The following FGF14 variants were observed in gnomAD, a reference collection of about 807,000 sequenced individuals.
FGF14 encodes fibroblast growth factor 14, also known as fibroblast growth factor homologous factor 4.
A neutral mutation model predicts 25.5 loss-of-function variants in FGF14; 5 were observed. That is an observed-to-expected ratio of 0.20 (90% CI 0.10 to 0.41). The LOEUF is 0.41. Among genes scored for constraint, FGF14 ranks in the 10% least tolerant of loss-of-function variants. The pLI is 1.00. For synonymous variants in FGF14, 138 were observed against 118.3 expected (o/e 1.17, Z -1.08); for missense variants, 222 against 320.1 (o/e 0.69, Z 2.34).
At chr13:102,272,097 C>A (rs1202887423) in intron 1 of FGF14, among the ~76,000 whole-genome samples, 3 of 152,142 alleles carry the variant, frequency 2.0e-5, no homozygotes, top group African/African-American at 4.8e-5. Context: ...TTGATTCCCT[C>A]CACTTTGCCA....
chr13:102,041,559 C>A (rs2041739770), intron 1 of FGF14, among the ~76,000 whole-genome samples: 1 of 138,986 alleles, frequency 7.2e-6, no homozygotes, highest in African/African-American at 2.8e-5. Context: ...TTAAGCCATG[C>A]AAAAATTACT....
intron 1 of FGF14, among the ~76,000 whole-genome samples, chr13:102,224,115 GATT>G (rs1396984793): frequency 1.3e-5 from 2 of 151,964 alleles, no homozygotes; most frequent in Non-Finnish European, 2.9e-5. Flanking sequence ...AAAGTAGAAA[GATT>G]ATTTTCATCA....
intron 4 of FGF14, 59 bp from the exon 5 acceptor site, chr13:101,723,026 G>C (rs2035100229): frequency 1.1e-5 from 18 of 1,603,872 alleles, no homozygotes; most frequent in Non-Finnish European, 1.4e-5. Flanking sequence ...GTGTGAGAAT[G>C]GTCCATCCAT....
At chr13:101,763,173 C>T (rs2038143801) in intron 3 of FGF14, among the ~76,000 whole-genome samples, 1 of 142,718 alleles carries the variant, frequency 7.0e-6, no homozygotes, top group African/African-American at 2.5e-5. Flanking sequence ...AAGTGAAAGG[C>T]ACAGCACAGA....
rs964999742 is a variant in FGF14, at chr13:101,866,080, TA to T, written c.408+2644del. On this transcript the variant is annotated intron_variant, in intron 3 of 4. Transcript: ENST00000376143. ...GCTTAAATGTTAAATGTAATAAATATAAAAAAAATTAATACCCATAATATAA... is the reference window on the plus strand; with the variant it reads ...GCTTAAATGTTAAATGTAATAAATATAAAAAAATTAATACCCATAATATAA... Among the ~76,000 whole-genome samples the T allele has an allele frequency of 1.4e-4, 21 of 151,896 alleles. No individual in the cohort carries two copies. In the Middle Eastern group the frequency reaches 0.02, roughly 148 times the overall value.
Position 102,020,680 on chromosome 13 carries a change from A to G in FGF14, c.209-145384T>C, listed in dbSNP as rs537563847. On this transcript the variant is annotated intron_variant, in intron 1 of 4. Coordinates refer to the FGF14 transcript ENST00000376131. ...GATTTTGGGTAGTGCTAAGAGTACAATTGAGGTTGGTCATAACAAATTAAC... is the reference window on the plus strand; with the variant it reads ...GATTTTGGGTAGTGCTAAGAGTACAGTTGAGGTTGGTCATAACAAATTAAC... Among the ~76,000 whole-genome samples the G allele has an allele frequency of 5.9e-5, 9 of 152,260 alleles. No homozygotes were observed. The East Asian group carries it at 1.2e-3, about 20-fold the overall frequency.
chr13:101,831,593 A>G (rs1484654844), intron 3 of FGF14, among the ~76,000 whole-genome samples: 2 of 152,112 alleles, frequency 1.3e-5, no homozygotes, highest in African/African-American at 4.8e-5. Context: ...GAATTTCCCC[A>G]GGAGAGACAA....
chr13:102,161,673 G>GAAC (rs753394613), intron 1 of FGF14, among the ~76,000 whole-genome samples: 1 of 56,124 alleles, frequency 1.8e-5, no homozygotes, highest in Non-Finnish European at 3.7e-5. Context: ...AGAAGAAGAA[G>GAAC]AAGAAGAAGA....
chr13:102,085,493 A>AAT (rs1566665744), intron 1 of FGF14, among the ~76,000 whole-genome samples: 1 of 152,158 alleles, frequency 6.6e-6, no homozygotes, highest in Non-Finnish European at 1.5e-5. Context: ...GTGATGTCAA[A>AAT]CAATTTTCTG....
At chr13:101,922,812 TAA>T (rs1264621876) in intron 1 of FGF14, among the ~76,000 whole-genome samples, 2 of 143,314 alleles carry the variant, frequency 1.4e-5, no homozygotes, top group African/African-American at 2.5e-5. Flanking sequence ...TACAGTTTAC[TAA>T]AAAAAAAAAG....
intron 1 of FGF14, among the ~76,000 whole-genome samples, chr13:101,913,781 T>C (rs975717773): frequency 3.9e-5 from 6 of 152,156 alleles, no homozygotes; most frequent in African/African-American, 1.4e-4. Flanking sequence ...CCCTGACTAC[T>C]TTATCTAATT....
chr13:102,388,733 C>T (rs1050450785), intron 1 of FGF14, among the ~76,000 whole-genome samples: 2 of 152,118 alleles, frequency 1.3e-5, no homozygotes, highest in Admixed American at 6.6e-5. Flanking sequence ...TTTCTTAGTA[C>T]AAAAATCCCT....
At chr13:102,240,832 C>A (rs533664865) in intron 1 of FGF14, among the ~76,000 whole-genome samples, 4 of 151,830 alleles carry the variant, frequency 2.6e-5, no homozygotes, top group African/African-American at 9.7e-5. Flanking sequence ...TTAGGAGAAA[C>A]AATACAAGAG....
At chr13:102,047,306 T>C (rs2042027091) in intron 1 of FGF14, among the ~76,000 whole-genome samples, 1 of 152,096 alleles carries the variant, frequency 6.6e-6, no homozygotes, top group African/African-American at 2.4e-5. Flanking sequence ...AGCTTCGAAA[T>C]TTTGGTTTAA....
chr13:102,060,664 T>C (rs1336475328), intron 1 of FGF14, among the ~76,000 whole-genome samples: 1 of 152,188 alleles, frequency 6.6e-6, no homozygotes, highest in Non-Finnish European at 1.5e-5. Context: ...AAGGAGAAAT[T>C]TAAAAATCAG....
chr13:102,111,247 T>C (rs1035312164), intron 1 of FGF14, among the ~76,000 whole-genome samples: 1 of 152,228 alleles, frequency 6.6e-6, no homozygotes, highest in African/African-American at 2.4e-5. Context: ...TGAGTTTCCC[T>C]TTCTACCTCT....
chr13:102,339,726 T>C (rs2056894293), intron 1 of FGF14, among the ~76,000 whole-genome samples: 1 of 152,234 alleles, frequency 6.6e-6, no homozygotes, highest in Admixed American at 6.5e-5. Flanking sequence ...TTTAGACATG[T>C]AATATCACAT....
intron 1 of FGF14, among the ~76,000 whole-genome samples, chr13:101,891,907 G>A (rs2029864337): frequency 6.6e-6 from 1 of 152,118 alleles, no homozygotes; most frequent in African/African-American, 2.4e-5. Context: ...ACATGCTTCA[G>A]ATGGAGAATA....
At chr13:102,172,940 A>G (rs1020100683) in intron 1 of FGF14, among the ~76,000 whole-genome samples, 3 of 152,122 alleles carry the variant, frequency 2.0e-5, no homozygotes, top group Non-Finnish European at 4.4e-5. Flanking sequence ...GTGAGATTCT[A>G]TATGTTTAAT....
Sources: allele counts gnomAD v4.1 joint callset (sites outside exome capture counted in the v4.1 genomes callset), GRCh38; gene constraint gnomAD v4.1.1; transcripts MANE v1.5; gene names NCBI Gene and HGNC (gene_info 2026-07-23, HGNC 2026-07-21).